The following ACOXL variants were observed in gnomAD, a reference collection of about 807,000 sequenced individuals.
ACOXL encodes the protein acyl-coenzyme A oxidase-like protein.
Under a neutral mutation model 71.9 loss-of-function variants are expected in ACOXL, and 70 were observed. That is an observed-to-expected ratio of 0.97 (90% CI 0.80 to 1.19). The LOEUF (loss-of-function observed/expected upper bound fraction) is 1.19. Ranked by LOEUF, ACOXL falls within the 50% of genes most tolerant of loss-of-function variation. The probability of loss-of-function intolerance (pLI) is 0.00; values close to 1 mark genes in which losing one functional copy is unlikely to be tolerated. For missense variants in ACOXL, 703 were observed against 736.3 expected, an observed-to-expected ratio of 0.95 and a Z score of 0.52; for synonymous variants, 253 against 281.6, an observed-to-expected ratio of 0.90 and a Z score of 1.02.
chr2:110,868,895 G>T (rs1694940609), intron 10 of ACOXL, among the ~76,000 whole-genome samples: 1 of 152,178 alleles, frequency 6.6e-6, no homozygotes, highest in African/African-American at 2.4e-5. Flanking sequence ...CCAGCCTGGA[G>T]TTTCTTATGT....
At position 111,083,638 on chromosome 2, in the gene ACOXL, A is replaced by G. The variant is rs528870917; in HGVS notation, c.1441-9227A>G. 2.0e-4 allele frequency among the ~76,000 whole-genome samples: 31 copies of G among 152,026 alleles called. 1 individual carries two copies. The highest frequency in any genetic ancestry group is 3.1e-4 in the Non-Finnish European group (21 of 67,980). ...CCTCAGCTCCTCAGCTCCTCAGACC[A>G]TATCGCACAACTACCCCAGAGGTAA... On this transcript the variant is annotated intron_variant, in intron 16 of 17. Transcript: ENST00000439055.
chr2:111,117,522 T>C (rs1270681409), intron 17 of ACOXL, 94 bp from the exon 18 acceptor site: 9 of 1,301,344 alleles, frequency 6.9e-6, no homozygotes, highest in Non-Finnish European at 7.6e-6. Context: ...GGGGCCGCTG[T>C]GTGTGCGGGT....
intron 9 of ACOXL, among the ~76,000 whole-genome samples, chr2:110,811,148 A>G (rs1163168273): frequency 6.6e-6 from 1 of 152,220 alleles, no homozygotes; most frequent in Non-Finnish European, 1.5e-5. Flanking sequence ...GAGTTATGGA[A>G]TGTCCTAGAG....
At chr2:110,817,324 A>G (rs1033994700) in intron 9 of ACOXL, among the ~76,000 whole-genome samples, 11 of 152,222 alleles carry the variant, frequency 7.2e-5, no homozygotes, top group African/African-American at 2.4e-4. Flanking sequence ...TGGCGAGGCA[A>G]TCACCTCATG....
chr2:110,762,216 T>C (rs1473064395), intron 1 of ACOXL, among the ~76,000 whole-genome samples: 1 of 152,186 alleles, frequency 6.6e-6, no homozygotes, highest in Admixed American at 6.5e-5. Context: ...CTTTTAGCTT[T>C]CAACTTGCTT....
chr2:110,784,868 C>T, intron 3 of ACOXL, 53 bp downstream of exon 3: 2 of 1,500,754 alleles, frequency 1.3e-6, no homozygotes, highest in South Asian at 2.5e-5. Context: ...CTTTGCATGC[C>T]AAGGAATGAA....
chr2:111,022,236 G>A (rs1305655913), intron 14 of ACOXL, among the ~76,000 whole-genome samples: 1 of 151,834 alleles, frequency 6.6e-6, no homozygotes, highest in East Asian at 1.9e-4. Flanking sequence ...ATGGTGGTGG[G>A]CGCCTGTAAT....
chr2:111,047,882 G>A (rs1196812900), intron 15 of ACOXL, among the ~76,000 whole-genome samples: 1 of 152,164 alleles, frequency 6.6e-6, no homozygotes, highest in Non-Finnish European at 1.5e-5. Flanking sequence ...TTTAAACTTG[G>A]AAGAAATAAT....
At chr2:110,877,474 T>C (rs546745460) in intron 10 of ACOXL, among the ~76,000 whole-genome samples, 2 of 152,382 alleles carry the variant, frequency 1.3e-5, no homozygotes, top group African/African-American at 4.8e-5. Context: ...ATCACATTTC[T>C]GTGGGATCTC....
intron 9 of ACOXL, among the ~76,000 whole-genome samples, chr2:110,813,106 G>C (rs1687539420): frequency 6.6e-6 from 1 of 152,276 alleles, no homozygotes; most frequent in East Asian, 1.9e-4. Context: ...AATGAGTAGA[G>C]TATCTGCGTC....
At chr2:111,070,635 G>A (rs1302070392) in intron 16 of ACOXL, among the ~76,000 whole-genome samples, 4 of 151,862 alleles carry the variant, frequency 2.6e-5, no homozygotes, top group South Asian at 2.1e-4. Flanking sequence ...ATGTACCCAC[G>A]ATCCTAAAAT....
chr2:110,734,393 C>T (rs1317616181), intron 1 of ACOXL, among the ~76,000 whole-genome samples: 3 of 151,936 alleles, frequency 2.0e-5, no homozygotes, highest in Non-Finnish European at 4.4e-5. Flanking sequence ...TCTCAGCCTC[C>T]GGAGTAGCTG....
intron 15 of ACOXL, among the ~76,000 whole-genome samples, chr2:111,040,910 C>T (rs1160118172): frequency 2.0e-5 from 3 of 152,068 alleles, no homozygotes; most frequent in Non-Finnish European, 2.9e-5. Flanking sequence ...TTGTCAACTC[C>T]CACTGTCAGT....
intron 2 of ACOXL, among the ~76,000 whole-genome samples, chr2:110,771,659 T>C (rs1681948550): frequency 6.6e-6 from 1 of 152,238 alleles, no homozygotes; most frequent in African/African-American, 2.4e-5. Context: ...ATGAGTCTGA[T>C]TGCAGAGTGT....
intron 11 of ACOXL, among the ~76,000 whole-genome samples, chr2:110,919,804 G>A (rs966840858): frequency 6.6e-6 from 1 of 152,152 alleles, no homozygotes; most frequent in African/African-American, 2.4e-5. Flanking sequence ...ACACAGAATT[G>A]TAAAATATGT....
At chr2:110,848,475 A>C (rs1027298212) in intron 10 of ACOXL, among the ~76,000 whole-genome samples, 1 of 152,216 alleles carries the variant, frequency 6.6e-6, no homozygotes, top group African/African-American at 2.4e-5. Flanking sequence ...ATATTCACGG[A>C]GTGCCCAAGT....
intron 10 of ACOXL, among the ~76,000 whole-genome samples, chr2:110,868,580 C>T (rs1694895060): frequency 6.6e-6 from 1 of 152,180 alleles, no homozygotes; most frequent in African/African-American, 2.4e-5. Context: ...CTCAGCATTG[C>T]TCCACTAGAA....
At chr2:111,052,471 G>A (rs1159111024) in intron 16 of ACOXL, among the ~76,000 whole-genome samples, 1 of 152,026 alleles carries the variant, frequency 6.6e-6, no homozygotes, top group Non-Finnish European at 1.5e-5. Context: ...CATCTACCAA[G>A]CAGAGGTGGA....
At chr2:110,943,408 AATCCCATTAGGGGAT>A (rs1441276522) in intron 12 of ACOXL, among the ~76,000 whole-genome samples, 1 of 152,134 alleles carries the variant, frequency 6.6e-6, no homozygotes, top group Non-Finnish European at 1.5e-5. Flanking sequence ...GGTGGACCCA[AATCCCATTAGGGGAT>A]TTGAAGTCTG....
Sources: gnomAD v4.1 joint callset for allele counts (sites outside exome capture counted in the v4.1 genomes callset) on GRCh38, gnomAD v4.1.1 for gene constraint, MANE v1.5 for transcripts, NCBI Gene and HGNC (gene_info 2026-07-23, HGNC 2026-07-21) for gene names.